Variants in ZFAND1 observed in about 807,000 individuals in gnomAD.
The protein encoded by ZFAND1 is AN1-type zinc finger protein 1.
Under a neutral mutation model 38.5 loss-of-function variants are expected in ZFAND1, and 40 were observed. The observed-to-expected ratio is 1.04, with a 90% CI of 0.81 to 1.35. The LOEUF is 1.35. Among genes scored for constraint, ZFAND1 ranks in the 40% most tolerant of loss-of-function variants. The pLI is 0.00. For synonymous variants in ZFAND1, 117 were observed against 103.6 expected (o/e 1.13, Z -0.78); for missense variants, 346 against 316.3 (o/e 1.09, Z -0.71).
intron 6 of ZFAND1, among the ~76,000 whole-genome samples, chr8:81,704,036 T>A (rs1807893068): frequency 6.6e-6 from 1 of 152,092 alleles, no homozygotes; most frequent in African/African-American, 2.4e-5. Context: ...CATACAACAT[T>A]TCTTTTTATG....
chr8:81,714,150 G>T, intron 5 of ZFAND1, 111 bp from the exon 6 acceptor site: 1 of 970,382 alleles, frequency 1.0e-6, no homozygotes. Context: ...ACACACAAGA[G>T]AGATATACAG....
At chr8:81,705,937 T>C (rs2130391186) in intron 6 of ZFAND1, among the ~76,000 whole-genome samples, 1 of 151,778 alleles carries the variant, frequency 6.6e-6, no homozygotes, top group East Asian at 1.9e-4. Context: ...ACAAAAACAA[T>C]TATAGATCCC....
intron 6 of ZFAND1, among the ~76,000 whole-genome samples, chr8:81,704,700 G>A (rs1807922079): frequency 6.6e-6 from 1 of 152,152 alleles, no homozygotes; most frequent in African/African-American, 2.4e-5. Flanking sequence ...TCTCTAACTT[G>A]TGGGGGAAAG....
chr8:81,702,701 C>A lies in ZFAND1; in HGVS notation c.801G>T (p.Leu267Phe). 6.6e-7 allele frequency: 1 copy of A among 1,521,582 alleles called. No individual in the cohort carries two copies. 94.3% of individuals were successfully genotyped at this position (1,521,582 alleles called of 1,614,324 possible). Residue 267 changes from leucine to phenylalanine, a missense_variant, in exon 8 of 8, where the codon TTG becomes TTT. Leu to Phe is a conservative substitution (Grantham distance 22). Transcript: ENST00000220669. ...EQFCKNVESY[L>F]E ...GACTTGAATCTTTGAATGACTATTC[C>A]AAGTAAGATTCAACATTTTTACAGA... is the stretch of plus-strand genomic sequence containing the variant.
intron 5 of ZFAND1, 115 bp from the exon 6 acceptor site, chr8:81,714,154 T>A (rs540907919): frequency 1.0e-6 from 1 of 986,108 alleles, no homozygotes; most frequent in South Asian, 1.9e-5. Context: ...ACAAGAGAGA[T>A]ATACAGAGAC....
At chr8:81,705,432 C>T (rs6981477) in intron 6 of ZFAND1, among the ~76,000 whole-genome samples, 11,608 of 151,968 alleles carry the variant, frequency 0.076, 600 homozygotes, top group East Asian at 0.14. Flanking sequence ...GTTATAAAAC[C>T]AAAATAGGCA....
rs1807836233 is a variant in ZFAND1, at chr8:81,702,427, G to A, written c.*268C>T. ...ATCAACAGCTGACATCCCCCACCAG[G>A]AAATACATCTTTGTTGTTGTCACTA... On this transcript the variant is annotated 3_prime_UTR_variant, in exon 8 of 8. Transcript: ENST00000220669. The A allele has an allele frequency of 5.0e-6, 1 of 199,634 alleles. No homozygotes were observed. 12.4% of individuals were successfully genotyped at this position (199,634 alleles called of 1,614,324 possible). A position where few individuals can be genotyped will look rare whatever the true frequency, so the allele number is the denominator to read the frequency against.
rs1450617311 is a variant in ZFAND1, at chr8:81,701,565, T to C, written c.*1130A>G. The C allele has an allele frequency of 6.6e-6, 1 of 152,204 alleles. No individual in the cohort carries two copies. The highest frequency in any genetic ancestry group is 1.9e-4 in the East Asian group (1 of 5,198). 9.4% of individuals were successfully genotyped at this position (152,204 alleles called of 1,614,324 possible). ...TACCTGTATGTATACATATCATCATTGTATTAATCATGGCAATTAGGACAA... is the reference window on the plus strand; with the variant it reads ...TACCTGTATGTATACATATCATCATCGTATTAATCATGGCAATTAGGACAA... On this transcript the variant is annotated 3_prime_UTR_variant, in exon 8 of 8. Coordinates refer to ENST00000220669, the MANE Select transcript of ZFAND1 (RefSeq NM_024699.3).
chr8:81,704,954 T>C (rs1807931354), intron 6 of ZFAND1, among the ~76,000 whole-genome samples: 2 of 76,974 alleles, frequency 2.6e-5, no homozygotes, highest in South Asian at 9.1e-4. Flanking sequence ...AGCCTTATCT[T>C]TTTTTTTTAA....
At chr8:81,708,881 T>G (rs1585922699) in intron 6 of ZFAND1, 2 of 1,001,364 alleles carry the variant, frequency 2.0e-6, no homozygotes, top group Non-Finnish European at 2.6e-6. Context: ...GTACTAAAGA[T>G]GATTAAAAAA....
rs1808223041 is a variant in ZFAND1, at chr8:81,713,998, C to A, written c.400G>T (p.Ala134Ser). 6.2e-7 allele frequency: 1 copy of A among 1,612,282 alleles called. No homozygotes were observed. The highest frequency in any genetic ancestry group is 8.5e-7 in the Non-Finnish European group (1 of 1,179,596). Reference sequence around the variant, plus strand: ...TTTGCAGCTGTTTCACTATTTTTGGCACCTTTCCATCGTTTACTTGCTGTT... The same window carrying A: ...TTTGCAGCTGTTTCACTATTTTTGGAACCTTTCCATCGTTTACTTGCTGTT... ...GETASKRWKGAKNSETAAKVA... is the reference protein window; with the variant it reads ...GETASKRWKGSKNSETAAKVA... The change falls in exon 6 of 8, where the codon GCC (alanine) becomes TCC (serine). Residue 134 changes from alanine to serine, a missense_variant. Ala to Ser is a moderately conservative substitution (Grantham distance 99, BLOSUM62 1). Transcript: ENST00000220669.
chr8:81,718,455 C>T (rs910137243), intron 1 of ZFAND1, among the ~76,000 whole-genome samples: 2 of 151,930 alleles, frequency 1.3e-5, no homozygotes, highest in Admixed American at 6.6e-5. Context: ...CTAAGTCAGA[C>T]AAAAATAAGT....
At chr8:81,716,563 C>T (rs1808318498) in intron 3 of ZFAND1, among the ~76,000 whole-genome samples, 1 of 152,154 alleles carries the variant, frequency 6.6e-6, no homozygotes, top group African/African-American at 2.4e-5. Flanking sequence ...ATCCTATCAG[C>T]AGGCATCAGT....
At position 81,701,558 on chromosome 8, in the gene ZFAND1, T is replaced by C. The variant is rs920546366; in HGVS notation, c.*1137A>G. The C allele has an allele frequency of 3.3e-5, 5 of 152,290 alleles. No individual in the cohort carries two copies. Among genetic ancestry groups the C allele is most frequent in the Admixed American group, 2.6e-4 (4 of 15,304 alleles). 9.4% of individuals were successfully genotyped at this position (152,290 alleles called of 1,614,324 possible). On this transcript the variant is annotated 3_prime_UTR_variant, in exon 8 of 8. Transcript: ENST00000220669. Reference sequence around the variant, plus strand: ...CAAGGTATACCTGTATGTATACATATCATCATTGTATTAATCATGGCAATT... The same window carrying C: ...CAAGGTATACCTGTATGTATACATACCATCATTGTATTAATCATGGCAATT...
At position 81,702,130 on chromosome 8, in the gene ZFAND1, A is replaced by T. The variant is rs1317295745; in HGVS notation, c.*565T>A. The T allele has an allele frequency of 6.6e-6, 1 of 152,196 alleles. No individual in the cohort carries two copies. The highest frequency in any genetic ancestry group is 2.4e-5 in the African/African-American group (1 of 41,454). The allele number at this position is 152,196 out of a possible 1,614,324, so 9.4% of individuals were successfully genotyped here. The stretch of plus-strand genomic sequence containing the variant: ...GTAAAAATTATAAGACTGAATAAAG[A>T]TCACTTCTAAGTTTCTATAATTCAT... On this transcript the variant is annotated 3_prime_UTR_variant, in exon 8 of 8. Coordinates refer to ENST00000220669, the MANE Select transcript of ZFAND1 (RefSeq NM_024699.3).
intron 5 of ZFAND1, chr8:81,714,569 A>G (rs1808242550): frequency 4.4e-6 from 2 of 455,248 alleles, no homozygotes; most frequent in African/African-American, 3.9e-5. Flanking sequence ...AGCTAATCTA[A>G]GTGGCTCAGC....
intron 1 of ZFAND1, among the ~76,000 whole-genome samples, chr8:81,719,048 C>A (rs1462396552): frequency 1.3e-5 from 2 of 151,732 alleles, no homozygotes; most frequent in East Asian, 3.9e-4. Flanking sequence ...TATGCCACAC[C>A]GACCTCACAG....
intron 6 of ZFAND1, chr8:81,708,745 C>T (rs930709785): frequency 1.2e-5 from 14 of 1,156,274 alleles, no homozygotes; most frequent in African/African-American, 3.4e-5. Flanking sequence ...TGTTTGGCCA[C>T]AAGAGGCAGT....
At position 81,702,831 on chromosome 8, in the gene ZFAND1, G is replaced by T; in HGVS notation, c.671C>A (p.Ala224Asp). 1.2e-6 allele frequency: 2 copies of T among 1,603,412 alleles called. No homozygotes were observed. Residue 224 changes from alanine to aspartate, a missense_variant, in exon 8 of 8, where the codon GCC (alanine) becomes GAC (aspartate). Ala to Asp is a moderately radical substitution (Grantham distance 126). Transcript: ENST00000220669. ...TTCCAAAGTATGATCCAAGGGTAAG[G>T]CTTCTCCTGAAGTAATGTGACACAG... ...LRLCHITSGE[A>D]LPLDHTLETW... is the part of the protein sequence containing the mutation.
Sources: gnomAD v4.1 joint callset for allele counts (sites outside exome capture counted in the v4.1 genomes callset) on GRCh38, gnomAD v4.1.1 for gene constraint, MANE v1.5 for transcripts, NCBI Gene and HGNC (gene_info 2026-07-23, HGNC 2026-07-21) for gene names.